The following CHST3 variants were observed in gnomAD, a reference collection of about 807,000 sequenced individuals.
CHST3 encodes the protein C6ST-1.
Under a neutral mutation model 35.4 loss-of-function variants are expected in CHST3, and 20 were observed. That is an observed-to-expected ratio of 0.57 (90% CI 0.40 to 0.82). The LOEUF is 0.82. CHST3 is among the 40% of genes least tolerant of loss of function. CHST3 has a pLI of 0.00. For missense variants in CHST3, 693 were observed against 670.1 expected (o/e 1.03, Z -0.38); for synonymous variants, 334 against 295.9 (o/e 1.13, Z -1.32).
In CHST3 at chr10:72,008,811, A is replaced by C; in HGVS notation, c.*340A>C. The C allele has an allele frequency of 4.5e-6, 1 of 220,734 alleles. No homozygotes were observed. Among genetic ancestry groups the C allele is most frequent in the East Asian group, 9.7e-5 (1 of 10,316 alleles). The allele number at this position is 220,734 out of a possible 1,614,324, so 13.7% of individuals were successfully genotyped here. A position where few individuals can be genotyped will look rare whatever the true frequency, so the allele number is the denominator to read the frequency against. ...CCTGCAGGCCAGAGTCCAAATATTT[A>C]ACAATCAGAAGGGGCAAGGCTCTGA... On this transcript the variant is annotated 3_prime_UTR_variant, in exon 3 of 3. Transcript: ENST00000373115.
intron 1 of CHST3, among the ~76,000 whole-genome samples, chr10:71,992,809 C>T (rs1034276556): frequency 1.5e-3 from 99 of 68,206 alleles, no homozygotes; most frequent in African/African-American, 3.0e-3. Flanking sequence ...TACAGGCGTC[C>T]GCCACCACGC....
intron 1 of CHST3, among the ~76,000 whole-genome samples, chr10:72,000,433 G>A (rs1839981902): frequency 6.6e-6 from 1 of 152,124 alleles, no homozygotes; most frequent in African/African-American, 2.4e-5. Flanking sequence ...GGAAAGTGAT[G>A]GGGGTGGCCC....
At chr10:71,984,666 A>G (rs995728590) in intron 1 of CHST3, among the ~76,000 whole-genome samples, 2 of 152,198 alleles carry the variant, frequency 1.3e-5, no homozygotes, top group Non-Finnish European at 2.9e-5. Flanking sequence ...AACTCAGGGT[A>G]AGTTTTCTCA....
At chr10:71,987,850 G>A (rs1839863442) in intron 1 of CHST3, among the ~76,000 whole-genome samples, 1 of 152,144 alleles carries the variant, frequency 6.6e-6, no homozygotes, top group African/African-American at 2.4e-5. Flanking sequence ...AGAAGGTCAG[G>A]AAGGAGGATA....
chr10:71,993,007 C>T (rs1203960898), intron 1 of CHST3, among the ~76,000 whole-genome samples: 1 of 152,188 alleles, frequency 6.6e-6, no homozygotes, highest in Admixed American at 6.5e-5. Context: ...CCGCAGGCCA[C>T]GTGCAGCTCA....
At chr10:71,979,359 T>G (rs1403280131) in intron 1 of CHST3, among the ~76,000 whole-genome samples, 3 of 152,086 alleles carry the variant, frequency 2.0e-5, no homozygotes, top group African/African-American at 4.8e-5. Context: ...TTTTTTGTTT[T>G]TTTAGACGGA....
intron 1 of CHST3, among the ~76,000 whole-genome samples, chr10:71,979,904 G>A (rs1195921940): frequency 6.6e-6 from 1 of 152,186 alleles, no homozygotes; most frequent in Non-Finnish European, 1.5e-5. Flanking sequence ...GAGCATGGGG[G>A]CTGGAGGGCC....
At chr10:71,971,920 A>G (rs1456331996) in intron 1 of CHST3, among the ~76,000 whole-genome samples, 1 of 152,048 alleles carries the variant, frequency 6.6e-6, no homozygotes, top group Non-Finnish European at 1.5e-5. Context: ...ACTGACTGTG[A>G]CCTCGCAGGT....
chr10:71,999,320 A>G (rs1476746934), intron 1 of CHST3, among the ~76,000 whole-genome samples: 2 of 152,174 alleles, frequency 1.3e-5, no homozygotes, highest in East Asian at 1.9e-4. Context: ...AAAAGAGCCC[A>G]CTCCAAGGTG....
intron 1 of CHST3, among the ~76,000 whole-genome samples, chr10:71,976,005 C>T (rs541518011): frequency 6.6e-6 from 1 of 152,338 alleles, no homozygotes; most frequent in East Asian, 1.9e-4. Flanking sequence ...AGGCAGATGG[C>T]CAGTTTCTTC....
chr10:71,983,076 C>T (rs949833183), intron 1 of CHST3, among the ~76,000 whole-genome samples: 2 of 152,156 alleles, frequency 1.3e-5, no homozygotes, highest in Admixed American at 1.3e-4. Context: ...GGGGGAGGCC[C>T]CAGGAAGGGG....
intron 1 of CHST3, among the ~76,000 whole-genome samples, chr10:71,981,190 G>A (rs1477571846): frequency 1.3e-5 from 2 of 152,258 alleles, no homozygotes; most frequent in Non-Finnish European, 2.9e-5. Flanking sequence ...GCGGTCCCCA[G>A]TTTCCCAGCT....
intron 1 of CHST3, among the ~76,000 whole-genome samples, chr10:71,994,862 T>C (rs1267838175): frequency 6.6e-6 from 1 of 152,246 alleles, no homozygotes; most frequent in African/African-American, 2.4e-5. Context: ...TGCACTTTTA[T>C]GTTATGGAGA....
chr10:72,004,494 A>G (rs541951021), intron 1 of CHST3, among the ~76,000 whole-genome samples: 1 of 152,306 alleles, frequency 6.6e-6, no homozygotes, highest in African/African-American at 2.4e-5. Flanking sequence ...GGTAGAATTT[A>G]TGCGCTATGA....
In CHST3 at chr10:72,009,180, C is replaced by T. The variant is rs371743246; in HGVS notation, c.*709C>T. On this transcript the variant is annotated 3_prime_UTR_variant, in exon 3 of 3. Coordinates refer to ENST00000373115, the MANE Select transcript of CHST3 (RefSeq NM_004273.5). ...ACACATCTATGCAGACAAGCTTCCT[C>T]GCTGCTTATGCCCACAGGGTTTTTC... 1.2e-4 allele frequency: 19 copies of T among 152,362 alleles called. No individual in the cohort carries two copies. Among genetic ancestry groups the T allele is most frequent in the Middle Eastern group, 6.8e-3 (2 of 294 alleles). The allele number at this position is 152,362 out of a possible 1,614,324, so 9.4% of individuals were successfully genotyped here. A position where few individuals can be genotyped will look rare whatever the true frequency, so the allele number is the denominator to read the frequency against.
rs1431256097 is a variant in CHST3 at position 71,993,255 on chromosome 10, T to A, written c.-107-12481T>A. 3.9e-5 allele frequency among the ~76,000 whole-genome samples: 6 copies of A among 152,318 alleles called. 1 individual carries two copies. Among genetic ancestry groups the A allele is most frequent in the Admixed American group, 3.9e-4 (6 of 15,302 alleles). ...GCATCTTCACCAGGAGTAGCTTCCA[T>A]CTCAAAAACCACTTTCTTGACTCAT... On this transcript the variant is annotated intron_variant, in intron 1 of 2. Transcript: ENST00000373115.
chr10:71,975,571 C>A (rs1204410944), intron 1 of CHST3, among the ~76,000 whole-genome samples: 1 of 152,264 alleles, frequency 6.6e-6, no homozygotes, highest in African/African-American at 2.4e-5. Flanking sequence ...AAATCCCACC[C>A]ATGCGGCTGT....
At chr10:71,985,426 G>A (rs1306170626) in intron 1 of CHST3, among the ~76,000 whole-genome samples, 15 of 152,122 alleles carry the variant, frequency 9.9e-5, no homozygotes, top group Non-Finnish European at 1.9e-4. Flanking sequence ...TCCTCATTTA[G>A]CCTTTCCCTC....
chr10:71,969,784 T>G (rs529844412), intron 1 of CHST3, among the ~76,000 whole-genome samples: 88 of 152,242 alleles, frequency 5.8e-4, no homozygotes, highest in African/African-American at 2.0e-3. Context: ...TTCTTGGAAA[T>G]GTAGTCAGAT....
Sources: allele counts gnomAD v4.1 joint callset (sites outside exome capture counted in the v4.1 genomes callset), GRCh38; gene constraint gnomAD v4.1.1; transcripts MANE v1.5; gene names NCBI Gene and HGNC (gene_info 2026-07-23, HGNC 2026-07-21).